NOL4: variants seen among roughly 807,000 people sequenced by gnomAD.
NOL4 encodes the protein nucleolar protein 4, also known as cancer/testis antigen 125.
NOL4 carries 17 observed loss-of-function variants against 75.9 expected under a neutral mutation model. The ratio of observed to expected loss-of-function variants is 0.22; its 90% CI spans 0.15 to 0.34. The LOEUF is 0.34. NOL4 is among the 10% of genes least tolerant of loss of function. The pLI is 1.00. For missense variants in NOL4, 614 were observed against 793.5 expected, an observed-to-expected ratio of 0.77 and a Z score of 2.72; for synonymous variants, 292 against 289.9, an observed-to-expected ratio of 1.01 and a Z score of -0.07.
intron 5 of NOL4, among the ~76,000 whole-genome samples, chr18:34,068,938 C>T (rs2077396323): frequency 6.6e-6 from 1 of 151,682 alleles, no homozygotes; most frequent in African/African-American, 2.4e-5. Flanking sequence ...TAAACAAAAA[C>T]AATAAAATAT....
intron 1 of NOL4, among the ~76,000 whole-genome samples, chr18:34,205,390 C>T (rs746240628): frequency 1.8e-4 from 27 of 152,046 alleles, no homozygotes; most frequent in Non-Finnish European, 3.7e-4. Flanking sequence ...TTCTAGGAAA[C>T]GAAACCCAAA....
chr18:34,028,590 A>G (rs570887942), intron 5 of NOL4, among the ~76,000 whole-genome samples: 33 of 152,340 alleles, frequency 2.2e-4, no homozygotes, highest in African/African-American at 7.7e-4. Context: ...CCAGACCGGA[A>G]AAATGAATTA....
At chr18:33,949,229 TA>T (rs776491824) in intron 8 of NOL4, among the ~76,000 whole-genome samples, 2 of 152,036 alleles carry the variant, frequency 1.3e-5, no homozygotes, top group African/African-American at 2.4e-5. Flanking sequence ...GAATGCAAAC[TA>T]AAATAGTAGT....
intron 1 of NOL4, among the ~76,000 whole-genome samples, chr18:34,194,845 A>G (rs531132212): frequency 8.9e-4 from 135 of 152,084 alleles, no homozygotes; most frequent in Non-Finnish European, 1.4e-3. Flanking sequence ...ACCAACATGG[A>G]TAAACTTCAT....
chr18:34,154,436 T>A (rs2029954233), intron 1 of NOL4, among the ~76,000 whole-genome samples: 2 of 152,028 alleles, frequency 1.3e-5, no homozygotes, highest in South Asian at 4.1e-4. Context: ...CTACCTTAGC[T>A]TCTCAACATA....
At chr18:34,016,534 A>G (rs1424070415) in intron 6 of NOL4, among the ~76,000 whole-genome samples, 1 of 152,022 alleles carries the variant, frequency 6.6e-6, no homozygotes. Context: ...CTCCTTGCAA[A>G]TACCCATGCC....
intron 1 of NOL4, among the ~76,000 whole-genome samples, chr18:34,147,529 C>A (rs539134844): frequency 6.6e-6 from 1 of 151,938 alleles, no homozygotes; most frequent in African/African-American, 2.4e-5. Context: ...TATTGATTTG[C>A]GTATGTTGAA....
chr18:34,054,164 T>G lies in NOL4; in HGVS notation c.773-34563A>C, dbSNP rs1395303536. On this transcript the variant is annotated intron_variant, in intron 5 of 10. Coordinates refer to ENST00000261592, the MANE Select transcript of NOL4 (RefSeq NM_003787.5). ...GGTCTATTCTGAAGAATGTTCCATG[T>G]GCACTTGAGAAGAATGACTGGAGTG... is the stretch of plus-strand genomic sequence containing the variant. 1.2e-4 allele frequency among the ~76,000 whole-genome samples: 19 copies of G among 152,162 alleles called. No individual in the cohort carries two copies. The East Asian group carries it at 3.3e-3, about 26-fold the overall frequency.
chr18:34,124,183 G>C (rs2080279690), intron 2 of NOL4, among the ~76,000 whole-genome samples: 1 of 152,032 alleles, frequency 6.6e-6, no homozygotes, highest in South Asian at 2.1e-4. Context: ...TAAAGCATTT[G>C]GCTACAGAAA....
intron 9 of NOL4, among the ~76,000 whole-genome samples, chr18:33,900,285 C>G (rs2065669349): frequency 6.6e-6 from 1 of 152,062 alleles, no homozygotes; most frequent in Non-Finnish European, 1.5e-5. Context: ...CTGAGAATCA[C>G]TCATTACTGT....
chr18:34,221,909 G>T, intron 1 of NOL4: 1 of 822,766 alleles, frequency 1.2e-6, no homozygotes, highest in Non-Finnish European at 1.9e-6. Flanking sequence ...GGAAACAGTT[G>T]CCAGTACAGG....
intron 1 of NOL4, among the ~76,000 whole-genome samples, chr18:34,176,889 T>C (rs2033599570): frequency 1.3e-5 from 2 of 151,964 alleles, no homozygotes; most frequent in African/African-American, 4.8e-5. Flanking sequence ...TCACAAACTG[T>C]CAGTAGCCAA....
chr18:33,878,216 T>C (rs1599714526), intron 10 of NOL4, among the ~76,000 whole-genome samples: 1 of 152,142 alleles, frequency 6.6e-6, no homozygotes, highest in East Asian at 1.9e-4. Flanking sequence ...TTTGGATTTG[T>C]TATCAATTTT....
At chr18:34,185,119 T>C (rs1568428982) in intron 1 of NOL4, among the ~76,000 whole-genome samples, 3 of 152,088 alleles carry the variant, frequency 2.0e-5, no homozygotes, top group Non-Finnish European at 4.4e-5. Flanking sequence ...TTCACTTGCC[T>C]CCTTACACTA....
At chr18:34,122,441 G>A (rs1221772152) in intron 2 of NOL4, among the ~76,000 whole-genome samples, 1 of 151,690 alleles carries the variant, frequency 6.6e-6, no homozygotes, top group African/African-American at 2.4e-5. Context: ...TTAAGAGGGG[G>A]AAAAAAGCAA....
At chr18:34,043,803 A>C (rs1322557207) in intron 5 of NOL4, among the ~76,000 whole-genome samples, 1 of 152,060 alleles carries the variant, frequency 6.6e-6, no homozygotes, top group Non-Finnish European at 1.5e-5. Flanking sequence ...TACCCTCTTC[A>C]GTGTGTTTTC....
chr18:34,204,104 C>T (rs1163182794), intron 1 of NOL4, among the ~76,000 whole-genome samples: 1 of 151,990 alleles, frequency 6.6e-6, no homozygotes, highest in African/African-American at 2.4e-5. Context: ...AAAAATGGTG[C>T]TCAACAAACT....
chr18:33,957,939 A>G (rs2069782415), intron 7 of NOL4, among the ~76,000 whole-genome samples: 1 of 152,172 alleles, frequency 6.6e-6, no homozygotes, highest in African/African-American at 2.4e-5. Flanking sequence ...GGAAAGCAAA[A>G]GAAATAACAG....
chr18:34,220,390 A>G (rs528259218), intron 1 of NOL4, among the ~76,000 whole-genome samples: 17 of 152,316 alleles, frequency 1.1e-4, no homozygotes, highest in Non-Finnish European at 1.6e-4. Flanking sequence ...CCAGCCGTGA[A>G]CCCTCAAACC....
Sources: allele counts gnomAD v4.1 joint callset (sites outside exome capture counted in the v4.1 genomes callset), GRCh38; gene constraint gnomAD v4.1.1; transcripts MANE v1.5; gene names NCBI Gene and HGNC (gene_info 2026-07-23, HGNC 2026-07-21).